RAB11FIP2: variants seen among roughly 807,000 people sequenced by gnomAD.
RAB11FIP2 encodes the protein rab11 family-interacting protein 2.
Under a neutral mutation model 40.9 loss-of-function variants are expected in RAB11FIP2, and 16 were observed. The observed-to-expected ratio is 0.39, with a 90% confidence interval of 0.26 to 0.59. RAB11FIP2 has a LOEUF of 0.59. RAB11FIP2 is among the 20% of genes least tolerant of loss of function. The probability of loss-of-function intolerance (pLI) is 0.53; values close to 1 mark genes in which losing one functional copy is unlikely to be tolerated. For synonymous variants in RAB11FIP2, 228 were observed against 213.7 expected, an observed-to-expected ratio of 1.07 and a Z score of -0.58; for missense variants, 532 against 606.2, an observed-to-expected ratio of 0.88 and a Z score of 1.28.
In RAB11FIP2 at chr10:118,007,022, T is replaced by C. The variant is rs528209546; in HGVS notation, c.*1976A>G. On this transcript the variant is annotated 3_prime_UTR_variant, in exon 5 of 5. Transcript: ENST00000355624. ...CAAATTTGGCCAAAGCATATTATTA[T>C]AGTATCTGCAGATACTGTCATAATA... is the stretch of plus-strand genomic sequence containing the variant. 1 of 152,568 alleles carries C rather than the reference T, an allele frequency of 6.6e-6. No individual in the cohort carries two copies. The highest frequency in any genetic ancestry group is 2.4e-5 in the African/African-American group (1 of 41,564). The allele number at this position is 152,568 out of a possible 1,614,324, so 9.5% of individuals were successfully genotyped here.
rs754806125 is a variant in RAB11FIP2 at position 118,015,048 on chromosome 10, C to G, written c.1311+17G>C. The stretch of plus-strand genomic sequence containing the variant: ...AGCTTACTCTTTGACAACCCTCTAA[C>G]CCCTTCAGCAACTTACCGGGATTTT... On this transcript the variant is annotated intron_variant, in intron 4 of 4. Coordinates refer to ENST00000355624, the MANE Select transcript of RAB11FIP2 (RefSeq NM_014904.3). 6.2e-7 allele frequency: 1 copy of G among 1,600,114 alleles called. No individual in the cohort carries two copies. Among genetic ancestry groups the G allele is most frequent in the South Asian group, 1.1e-5 (1 of 89,292 alleles).
intron 3 of RAB11FIP2, among the ~76,000 whole-genome samples, chr10:118,029,187 A>G (rs1172627114): frequency 6.6e-6 from 1 of 152,084 alleles, no homozygotes; most frequent in African/African-American, 2.4e-5. Flanking sequence ...CCATTGGAAT[A>G]GTTTTTATTG....
At chr10:118,012,570 AAAT>A (rs1464957483) in intron 4 of RAB11FIP2, among the ~76,000 whole-genome samples, 2 of 151,930 alleles carry the variant, frequency 1.3e-5, no homozygotes, top group African/African-American at 2.4e-5. Flanking sequence ...ACTCCAAATA[AAAT>A]AATGATTAAG....
At chr10:118,031,924 A>T (rs1302624855) in intron 3 of RAB11FIP2, among the ~76,000 whole-genome samples, 5 of 152,114 alleles carry the variant, frequency 3.3e-5, no homozygotes, top group Non-Finnish European at 7.4e-5. Flanking sequence ...CGGTCCCCAA[A>T]CAAAATTCTC....
rs377153368 is a variant in RAB11FIP2 at position 118,030,405 on chromosome 10, G to A, written c.1265+8567C>T. Among the ~76,000 whole-genome samples, 26 of 152,122 alleles carry A rather than the reference G, an allele frequency of 1.7e-4. No individual in the cohort carries two copies. In the East Asian group the frequency reaches 2.5e-3, roughly 15 times the overall value. On this transcript the variant is annotated intron_variant, in intron 3 of 4. Transcript: ENST00000355624. ...TCTCTTTAAGTATTGGACTCGCTAC[G>A]TGTTATCCAGTGTCCAGTGCCTAAG... is the stretch of plus-strand genomic sequence containing the variant.
In RAB11FIP2 at chr10:118,040,238, T is replaced by C; in HGVS notation, c.681A>G (p.Ser227=). 2 of 1,613,756 alleles carry C rather than the reference T, an allele frequency of 1.2e-6. No individual in the cohort carries two copies. Among genetic ancestry groups the C allele is most frequent in the African/African-American group, 1.3e-5 (1 of 74,984 alleles). ...TATGGGACCCAGATAAATCAGACAT[T>C]GAATGCGCTGACGAGAGTCGCTGAG... ...LGPQRLSSAH[S]MSDLSGSHMS... Residue 227 remains serine, a synonymous_variant, in exon 2 of 5, where the codon TCA becomes TCG. Transcript: ENST00000355624.
intron 3 of RAB11FIP2, among the ~76,000 whole-genome samples, chr10:118,021,490 C>G (rs1304992895): frequency 6.6e-6 from 1 of 152,206 alleles, no homozygotes; most frequent in Non-Finnish European, 1.5e-5. Flanking sequence ...TATTTACTCA[C>G]TAGGACTCGT....
intron 4 of RAB11FIP2, among the ~76,000 whole-genome samples, chr10:118,014,215 T>C (rs1846189845): frequency 6.6e-6 from 1 of 152,088 alleles, no homozygotes; most frequent in African/African-American, 2.4e-5. Flanking sequence ...AAAATAGTGA[T>C]ATGTGATATG....
intron 1 of RAB11FIP2, among the ~76,000 whole-genome samples, chr10:118,041,067 A>G (rs1401181376): frequency 6.6e-6 from 1 of 152,168 alleles, no homozygotes; most frequent in Non-Finnish European, 1.5e-5. Flanking sequence ...TACTTACGTA[A>G]AAGTAGCAAA....
intron 3 of RAB11FIP2, among the ~76,000 whole-genome samples, chr10:118,037,618 A>G (rs1846497783): frequency 6.6e-6 from 1 of 152,072 alleles, no homozygotes; most frequent in South Asian, 2.1e-4. Flanking sequence ...ACCGAATCCT[A>G]TCAAGTGGGA....
intron 3 of RAB11FIP2, among the ~76,000 whole-genome samples, chr10:118,030,407 G>A (rs1026811817): frequency 6.6e-6 from 1 of 152,066 alleles, no homozygotes; most frequent in Non-Finnish European, 1.5e-5. Context: ...CTCGCTACGT[G>A]TTATCCAGTG....
At position 118,007,212 on chromosome 10, in the gene RAB11FIP2, T is replaced by C. The variant is rs1846100335; in HGVS notation, c.*1786A>G. The C allele has an allele frequency of 6.6e-6, 1 of 151,156 alleles. No individual in the cohort carries two copies. Among genetic ancestry groups the C allele is most frequent in the South Asian group, 2.1e-4 (1 of 4,794 alleles). 9.4% of individuals were successfully genotyped at this position (151,156 alleles called of 1,614,324 possible). On this transcript the variant is annotated 3_prime_UTR_variant, in exon 5 of 5. Transcript: ENST00000355624. ...CAAGACCTCAAACGGGAAAATACCATTCTACACCAGACTTTGAGGTTTATT... is the reference window on the plus strand; with the variant it reads ...CAAGACCTCAAACGGGAAAATACCACTCTACACCAGACTTTGAGGTTTATT...
chr10:118,026,547 T>G (rs765183792), intron 3 of RAB11FIP2, among the ~76,000 whole-genome samples: 1 of 152,286 alleles, frequency 6.6e-6, no homozygotes, highest in East Asian at 1.9e-4. Context: ...GTGCCCTTTT[T>G]ACCAAAGGGG....
chr10:118,032,957 C>A (rs1846433228), intron 3 of RAB11FIP2, among the ~76,000 whole-genome samples: 1 of 151,854 alleles, frequency 6.6e-6, no homozygotes, highest in South Asian at 2.1e-4. Context: ...AATAATGGCC[C>A]CAATGTGCAA....
At chr10:118,011,174 G>A (rs1160089516) in intron 4 of RAB11FIP2, among the ~76,000 whole-genome samples, 1 of 152,076 alleles carries the variant, frequency 6.6e-6, no homozygotes, top group African/African-American at 2.4e-5. Context: ...TTAAAGGGAA[G>A]TGAGTTTAAA....
chr10:118,013,461 C>G (rs944923291), intron 4 of RAB11FIP2, among the ~76,000 whole-genome samples: 1 of 152,052 alleles, frequency 6.6e-6, no homozygotes, highest in African/African-American at 2.4e-5. Flanking sequence ...GACATACAAA[C>G]TTAATTACAA....
At chr10:118,041,463 T>C (rs1421379045) in intron 1 of RAB11FIP2, among the ~76,000 whole-genome samples, 2 of 152,140 alleles carry the variant, frequency 1.3e-5, no homozygotes, top group Non-Finnish European at 2.9e-5. Context: ...AATTCTCCAG[T>C]TGGCCATGTC....
chr10:118,024,046 C>T (rs556057637), intron 3 of RAB11FIP2, among the ~76,000 whole-genome samples: 21 of 149,058 alleles, frequency 1.4e-4, no homozygotes, highest in East Asian at 9.9e-4. Flanking sequence ...GCTGAGATCA[C>T]GCCACTGCAC....
At chr10:118,013,013 A>G (rs1056402300) in intron 4 of RAB11FIP2, among the ~76,000 whole-genome samples, 38 of 152,126 alleles carry the variant, frequency 2.5e-4, no homozygotes, top group African/African-American at 4.8e-5. Context: ...ACAGTTTTGC[A>G]TAAGATTTTG....
Sources: allele counts gnomAD v4.1 joint callset (sites outside exome capture counted in the v4.1 genomes callset), GRCh38; gene constraint gnomAD v4.1.1; transcripts MANE v1.5; gene names NCBI Gene and HGNC (gene_info 2026-07-23, HGNC 2026-07-21).